Variants in MGAT4C observed in about 807,000 individuals in gnomAD.
MGAT4C encodes MGAT4 family member C.
A neutral mutation model predicts 40.1 loss-of-function variants in MGAT4C; 19 were observed. That is an observed-to-expected ratio of 0.47 (90% CI 0.33 to 0.70). The LOEUF (loss-of-function observed/expected upper bound fraction) is 0.70, where lower values mean the gene tolerates loss of function less well. MGAT4C is among the 30% of genes least tolerant of loss of function. The probability of loss-of-function intolerance (pLI) is 0.02; values close to 1 mark genes in which losing one functional copy is unlikely to be tolerated. For missense variants in MGAT4C, 491 were observed against 563.2 expected (o/e 0.87, Z 1.30); for synonymous variants, 181 against 187.1 (o/e 0.97, Z 0.27).
intron 1 of MGAT4C, among the ~76,000 whole-genome samples, chr12:86,089,044 A>G (rs962650252): frequency 6.6e-6 from 1 of 151,988 alleles, no homozygotes; most frequent in Admixed American, 6.6e-5. Context: ...GTCAAATATT[A>G]TAGTAAAAGA....
At position 86,208,231 on chromosome 12, in the gene MGAT4C, C is replaced by T. The variant is rs554439921; in HGVS notation, c.-57+48008G>A. ...CTGTGATCCCAGCACTTTGGGAGGC[C>T]GAGGCGGGCAGATCACTTGAGATCA... On this transcript the variant is annotated intron_variant, in intron 1 of 4. Transcript: ENST00000611864. Among the ~76,000 whole-genome samples, 4 of 152,248 alleles carry T rather than the reference C, an allele frequency of 2.6e-5. No individual in the cohort carries two copies. In the South Asian group the frequency reaches 6.2e-4, roughly 24 times the overall value.
At chr12:86,826,093 C>G (rs1401709550) in intron 1 of MGAT4C, among the ~76,000 whole-genome samples, 1 of 151,404 alleles carries the variant, frequency 6.6e-6, no homozygotes, top group Non-Finnish European at 1.5e-5. Context: ...ATTACTGCAT[C>G]TACCTTACAG....
rs1349889630 is a variant in MGAT4C at position 85,964,808 on chromosome 12, G to A, written c.*14481C>T. The A allele has an allele frequency of 6.6e-6, 1 of 152,018 alleles. No homozygotes were observed. The highest frequency in any genetic ancestry group is 2.4e-5 in the African/African-American group (1 of 41,400). 9.4% of individuals were successfully genotyped at this position (152,018 alleles called of 1,614,324 possible). ...GAGAAGTAGAATGAGAGGCCACCTA[G>A]GTAATGTGATTTATTAAAAGTTCTC... On this transcript the variant is annotated 3_prime_UTR_variant, in exon 5 of 5. Coordinates refer to ENST00000611864, the MANE Select transcript of MGAT4C (RefSeq NM_001351288.2).
chr12:86,035,796 G>A (rs572214286), intron 2 of MGAT4C, among the ~76,000 whole-genome samples: 2 of 149,866 alleles, frequency 1.3e-5, no homozygotes, highest in East Asian at 3.9e-4. Context: ...TGTGCATATG[G>A]CTAGCCAGTT....
chr12:86,228,276 A>G (rs1325793164), intron 1 of MGAT4C, among the ~76,000 whole-genome samples: 2 of 151,872 alleles, frequency 1.3e-5, no homozygotes, highest in Non-Finnish European at 3.0e-5. Flanking sequence ...GGATAAAACC[A>G]AAGGGAATCA....
chr12:86,539,633 C>T (rs563931559), intron 2 of MGAT4C, among the ~76,000 whole-genome samples: 47 of 152,272 alleles, frequency 3.1e-4, no homozygotes, highest in African/African-American at 1.0e-3. Context: ...AGTTTACACT[C>T]CCACCAACAG....
chr12:86,506,745 T>C (rs1413591981), intron 2 of MGAT4C, among the ~76,000 whole-genome samples: 1 of 152,184 alleles, frequency 6.6e-6, no homozygotes, highest in African/African-American at 2.4e-5. Flanking sequence ...CATGATATCA[T>C]CAAAATCCAG....
At chr12:86,426,304 A>T (rs1007514784) in intron 3 of MGAT4C, among the ~76,000 whole-genome samples, 5 of 152,210 alleles carry the variant, frequency 3.3e-5, no homozygotes, top group Admixed American at 1.3e-4. Context: ...CGATTGGCTC[A>T]CGAGTTTTCT....
At position 85,979,629 on chromosome 12, in the gene MGAT4C, T is replaced by C; in HGVS notation, c.1097A>G (p.Glu366Gly). The C allele has an allele frequency of 6.2e-7, 1 of 1,611,900 alleles. No individual in the cohort carries two copies. The highest frequency in any genetic ancestry group is 8.5e-7 in the Non-Finnish European group (1 of 1,179,598). Residue 366 changes from glutamate to glycine, a missense_variant, in exon 5 of 5, where the codon GAG (glutamate) becomes GGG (glycine). Transcript: ENST00000611864. ...TGAAGGTGGTTTCCCCCAAAAGTAC[T>C]CATCAACACTACTGTAAGCCTTGCT... ...EASKAYSSVD[E>G]YFWGKPPSTG...
chr12:86,376,218 C>CA (rs1166300466), intron 3 of MGAT4C, among the ~76,000 whole-genome samples: 8,762 of 50,184 alleles, frequency 0.17, 589 homozygotes, highest in Non-Finnish European at 0.22. Context: ...TAACACATGT[C>CA]AAAAAAAAAA....
intron 1 of MGAT4C, among the ~76,000 whole-genome samples, chr12:86,780,711 G>A (rs981145941): frequency 2.6e-5 from 4 of 152,106 alleles, no homozygotes; most frequent in African/African-American, 9.7e-5. Context: ...CATTATAGCA[G>A]TGTGAGAAAG....
At position 86,128,809 on chromosome 12, in the gene MGAT4C, C is replaced by A. The variant is rs1200366381; in HGVS notation, c.-56-79086G>T. ...TTTTAGAATTTTTATAGATTCAGGT[C>A]TTAGGTTTAAGCCCTTAATCCATCT... is the stretch of plus-strand genomic sequence containing the variant. On this transcript the variant is annotated intron_variant, in intron 1 of 4. Coordinates refer to ENST00000611864, the MANE Select transcript of MGAT4C (RefSeq NM_001351288.2). Among the ~76,000 whole-genome samples, 5 of 152,016 alleles carry A rather than the reference C, an allele frequency of 3.3e-5. No individual in the cohort carries two copies. In the East Asian group the frequency reaches 5.8e-4, roughly 18 times the overall value.
intron 2 of MGAT4C, among the ~76,000 whole-genome samples, chr12:85,989,941 A>G (rs1885696175): frequency 6.6e-6 from 1 of 152,142 alleles, no homozygotes; most frequent in African/African-American, 2.4e-5. Context: ...CTCATATTGT[A>G]GTATAACGAA....
intron 2 of MGAT4C, among the ~76,000 whole-genome samples, chr12:86,557,357 G>T (rs561012689): frequency 6.6e-6 from 1 of 152,126 alleles, no homozygotes; most frequent in Non-Finnish European, 1.5e-5. Flanking sequence ...GTCGCTTGGG[G>T]TCCTGGGGTT....
At chr12:86,592,674 C>G (rs1961378552) in intron 2 of MGAT4C, among the ~76,000 whole-genome samples, 1 of 152,102 alleles carries the variant, frequency 6.6e-6, no homozygotes, top group Non-Finnish European at 1.5e-5. Flanking sequence ...GCTAGTGAAC[C>G]ACTCTAGTGA....
chr12:86,538,365 T>G (rs1959109863), intron 2 of MGAT4C, among the ~76,000 whole-genome samples: 4 of 152,132 alleles, frequency 2.6e-5, no homozygotes, highest in Admixed American at 1.3e-4. Flanking sequence ...CATGAGAGTC[T>G]GTGAGGACTG....
chr12:86,819,595 T>A (rs1423082649), intron 1 of MGAT4C, among the ~76,000 whole-genome samples: 13 of 150,974 alleles, frequency 8.6e-5, no homozygotes, highest in African/African-American at 2.9e-4. Context: ...ATAAAAGTTA[T>A]TTCTTTATTG....
intron 1 of MGAT4C, among the ~76,000 whole-genome samples, chr12:86,767,665 A>G (rs944940369): frequency 5.3e-5 from 8 of 152,192 alleles, no homozygotes; most frequent in Admixed American, 3.9e-4. Flanking sequence ...AAGCTTATCT[A>G]CCATGATCAA....
chr12:86,568,283 G>T (rs184885611), intron 2 of MGAT4C, among the ~76,000 whole-genome samples: 1 of 152,162 alleles, frequency 6.6e-6, no homozygotes, highest in East Asian at 1.9e-4. Flanking sequence ...GAGCAGATTT[G>T]CTGAGTTTTC....
Sources: allele counts gnomAD v4.1 joint callset (sites outside exome capture counted in the v4.1 genomes callset), GRCh38; gene constraint gnomAD v4.1.1; transcripts MANE v1.5; gene names NCBI Gene and HGNC (gene_info 2026-07-23, HGNC 2026-07-21).